Variants in DNAH1 observed in about 807,000 individuals in gnomAD.
DNAH1 encodes the protein dynein axonemal heavy chain 1.
A neutral mutation model predicts 484.3 loss-of-function variants in DNAH1; 327 were observed. The observed-to-expected ratio is 0.68, with a 90% CI of 0.62 to 0.74. The LOEUF (loss-of-function observed/expected upper bound fraction) is 0.74, where lower values mean the gene tolerates loss of function less well. Ranked by LOEUF, DNAH1 falls within the 30% of genes least tolerant of loss-of-function variation. The probability of loss-of-function intolerance (pLI) is 0.00; values close to 1 mark genes in which losing one functional copy is unlikely to be tolerated. For synonymous variants in DNAH1, 2,192 were observed against 2,191.9 expected (o/e 1.00, Z 0.00); for missense variants, 5,052 against 5,546.8 (o/e 0.91, Z 2.83).
intron 44 of DNAH1, 129 bp from the exon 45 acceptor site, chr3:52,375,111 T>G: frequency 9.3e-7 from 1 of 1,080,372 alleles, no homozygotes; most frequent in Non-Finnish European, 1.3e-6. Flanking sequence ...CTGTGTAATA[T>G]TGATGTATTT....
At chr3:52,331,113 G>C (rs762891487) in intron 6 of DNAH1, 35 bp from the exon 7 acceptor site, 2 of 1,557,172 alleles carry the variant, frequency 1.3e-6, no homozygotes, top group Non-Finnish European at 1.7e-6. Context: ...CCCCCATGGC[G>C]GGGGGCACTG....
At chr3:52,367,076 G>A (rs576668612) in intron 36 of DNAH1, among the ~76,000 whole-genome samples, 189 bp downstream of exon 36, 23 of 152,260 alleles carry the variant, frequency 1.5e-4, no homozygotes, top group Admixed American at 3.9e-4. Flanking sequence ...TGGTTCCCTC[G>A]TCTGCAAAGC....
chr3:52,350,065 G>T lies in DNAH1; in HGVS notation c.2603G>T (p.Arg868Leu). The change falls in exon 15 of 78, where the codon CGA becomes CTA. Residue 868 changes from arginine (R) to leucine (L), a missense_variant. By Grantham distance (102) the Arg-to-Leu change is moderately radical. This residue lies in a region of DNAH1 where 1,263 missense variants were observed against 1,218.8 expected (regional missense o/e 1.04). Transcript: ENST00000420323. ...PNSIEELAEL[R>L]EWMKGIPERL... Reference sequence around the variant, plus strand: ...AGCATTGAGGAGCTGGCTGAGCTGCGAGAGTGGATGAAGGGCATCCCGGAG... The same window carrying T: ...AGCATTGAGGAGCTGGCTGAGCTGCTAGAGTGGATGAAGGGCATCCCGGAG... 6.2e-7 allele frequency: 1 copy of T among 1,612,932 alleles called. No individual in the cohort carries two copies. Among genetic ancestry groups the T allele is most frequent in the South Asian group, 1.1e-5 (1 of 90,858 alleles).
rs201323321 is a variant in DNAH1, at chr3:52,389,421, G to A, written c.9496-40G>A. On this transcript the variant is annotated intron_variant, in intron 59 of 77. Coordinates refer to ENST00000420323, the MANE Select transcript of DNAH1 (RefSeq NM_015512.5). The stretch of plus-strand genomic sequence containing the variant: ...AGTGGGAGTTGGGAGGTCTCTGTGA[G>A]TGTCATGGTGGGGTGGTCCTGAGTC... The A allele has an allele frequency of 9.3e-6, 15 of 1,609,764 alleles. No homozygotes were observed. The East Asian group carries it at 2.7e-4, about 29-fold the overall frequency.
At chr3:52,356,492 C>A in intron 21 of DNAH1, 122 bp from the exon 22 acceptor site, 2 of 940,832 alleles carry the variant, frequency 2.1e-6, no homozygotes, top group Non-Finnish European at 3.2e-6. Context: ...TAGACACTGG[C>A]TTTGGTGTCC....
Position 52,396,735 on chromosome 3 carries a change from C to CT in DNAH1, c.11549dup (p.Arg3851AlafsTer15), listed in dbSNP as rs764669188. 6.2e-7 allele frequency: 1 copy of CT among 1,613,770 alleles called. No individual in the cohort carries two copies. The highest frequency in any genetic ancestry group is 1.1e-5 in the South Asian group (1 of 91,072). On this transcript the variant is annotated frameshift_variant, in exon 72 of 78. Coordinates refer to ENST00000420323, the MANE Select transcript of DNAH1 (RefSeq NM_015512.5). LOFTEE classifies it high-confidence loss of function. The stretch of plus-strand genomic sequence containing the variant: ...CCCCTATGAGTTCACGGATGGAGAT[C>CT]TGCGCATCTGCATCAGCCAGCTCAA...
chr3:52,348,988 C>T lies in DNAH1; in HGVS notation c.2207C>T (p.Ala736Val). The change falls in exon 13 of 78, where the codon GCC (alanine) becomes GTC (valine). Residue 736 changes from alanine (A) to valine (V), a missense_variant. This residue lies in a region of DNAH1 where 1,263 missense variants were observed against 1,218.8 expected (regional missense o/e 1.04). Coordinates refer to ENST00000420323, the MANE Select transcript of DNAH1 (RefSeq NM_015512.5). Reference sequence around the variant, plus strand: ...GAGCTACGGGCCACCATTGCCAGTGCCGTGTCCAAGGCCATGATCCCACTG... The same window carrying T: ...GAGCTACGGGCCACCATTGCCAGTGTCGTGTCCAAGGCCATGATCCCACTG... Reference protein sequence around the residue: ...VEELRATIASAVSKAMIPLQA... With the variant: ...VEELRATIASVVSKAMIPLQA... 1 of 1,613,396 alleles carries T rather than the reference C, an allele frequency of 6.2e-7. No homozygotes were observed. Among genetic ancestry groups the T allele is most frequent in the Non-Finnish European group, 8.5e-7 (1 of 1,179,890 alleles).
Position 52,381,918 on chromosome 3 carries a change from G to A in DNAH1, c.7805+82G>A, listed in dbSNP as rs1243425769. 3 of 1,442,492 alleles carry A rather than the reference G, an allele frequency of 2.1e-6. No homozygotes were observed. Among genetic ancestry groups the A allele is most frequent in the Non-Finnish European group, 1.9e-6 (2 of 1,078,930 alleles). 89.4% of individuals were successfully genotyped at this position (1,442,492 alleles called of 1,614,324 possible). ...GACTGACCCATGCTTTTGCACAGTG[G>A]TAGAGGCCTCGGGCAACCCTGAAGT... is the stretch of plus-strand genomic sequence containing the variant. On this transcript the variant is annotated intron_variant, in intron 49 of 77. Transcript: ENST00000420323. The surrounding 1 kb of genome is among the most constrained non-coding windows in gnomAD (Gnocchi z 4.1).
chr3:52,317,044 C>A (rs1409271880), intron 1 of DNAH1, among the ~76,000 whole-genome samples: 1 of 152,172 alleles, frequency 6.6e-6, no homozygotes, highest in African/African-American at 2.4e-5. Context: ...TATTGCAGCA[C>A]TTTTGCTTTA....
intron 16 of DNAH1, among the ~76,000 whole-genome samples, chr3:52,350,805 T>C (rs549649226): frequency 6.6e-6 from 1 of 152,354 alleles, no homozygotes; most frequent in Non-Finnish European, 1.5e-5. Context: ...TGGCCTCAGC[T>C]GCTCCCCAAC....
rs930466219 is a variant in DNAH1, at chr3:52,355,295, G to C, written c.3693+240G>C. On this transcript the variant is annotated intron_variant, in intron 21 of 77. Coordinates refer to ENST00000420323, the MANE Select transcript of DNAH1 (RefSeq NM_015512.5). This position sits in a 1 kb window ranked among gnomAD's most constrained non-coding sequence, Gnocchi z 4.5. ...AGGCAGATAAGGGTGCGTAGGGGCA[G>C]CATTTGGGTCCCAAAATGTGGTTGA... Among the ~76,000 whole-genome samples the C allele has an allele frequency of 1.9e-4, 29 of 152,238 alleles. No individual in the cohort carries two copies. The highest frequency in any genetic ancestry group is 6.8e-4 in the African/African-American group (28 of 41,464).
Position 52,389,529 on chromosome 3 carries a change from C to T in DNAH1, c.9564C>T (p.Thr3188=). 4 of 1,587,058 alleles carry T rather than the reference C, an allele frequency of 2.5e-6. No homozygotes were observed. Among genetic ancestry groups the T allele is most frequent in the Non-Finnish European group, 3.4e-6 (4 of 1,166,958 alleles). ...KQLRSHNVPH[T]SEPTLIGTLG... is the part of the protein sequence containing the mutation. ...TCAGGAGCCACAATGTCCCACACAC[C>T]TCCGAGCCCACGCTAATCGGGACGC... Residue 3188 remains threonine, a synonymous_variant, in exon 60 of 78, where the codon ACC becomes ACT. Coordinates refer to ENST00000420323, the MANE Select transcript of DNAH1 (RefSeq NM_015512.5).
At chr3:52,352,379 A>G (rs1430630099) in intron 17 of DNAH1, among the ~76,000 whole-genome samples, 173 bp from the exon 18 acceptor site, 1 of 152,044 alleles carries the variant, frequency 6.6e-6, no homozygotes, top group Non-Finnish European at 1.5e-5. Context: ...GTGTCAGTGC[A>G]TTGGGTCTCC....
intron 34 of DNAH1, 24 bp downstream of exon 34, chr3:52,365,043 C>G: frequency 6.3e-7 from 1 of 1,590,086 alleles, no homozygotes; most frequent in Non-Finnish European, 8.6e-7. Context: ...CCTGAGTGTT[C>G]GTGGAGGGGC....
Position 52,395,565 on chromosome 3 carries a change from A to G in DNAH1, c.11146A>G (p.Met3716Val). The G allele has an allele frequency of 1.2e-6, 2 of 1,613,774 alleles. No individual in the cohort carries two copies. The highest frequency in any genetic ancestry group is 2.2e-5 in the South Asian group (2 of 91,084). The change falls in exon 70 of 78, where the codon ATG (methionine) becomes GTG (valine). Residue 3716 changes from methionine to valine, a missense_variant. Transcript: ENST00000420323. The surrounding 1 kb of genome is among the most constrained non-coding windows in gnomAD (Gnocchi z 4.4). The part of the protein sequence containing the change: ...GQGQGPRAEA[M>V]MRSSIERGKW... ...CCTGCAGGGCCCTCGGGCAGAAGCCATGATGCGCAGCTCCATAGAGAGGGG... is the reference window on the plus strand; with the variant it reads ...CCTGCAGGGCCCTCGGGCAGAAGCCGTGATGCGCAGCTCCATAGAGAGGGG...
Position 52,396,427 on chromosome 3 carries a change from C to A in DNAH1, c.11319C>A (p.Ser3773=). The change falls in exon 71 of 78, where the codon TCC becomes TCA. Residue 3773 remains serine, a synonymous_variant. Coordinates refer to ENST00000420323, the MANE Select transcript of DNAH1 (RefSeq NM_015512.5). The part of the protein sequence containing the change: ...TSLPSNKFPV[S]ILQNGSKMTI... The stretch of plus-strand genomic sequence containing the variant: ...TGCCCAGCAACAAGTTCCCAGTGTC[C>A]ATCCTGCAGAACGGCTCCAAGATGA... The A allele has an allele frequency of 6.3e-7, 1 of 1,591,978 alleles. No homozygotes were observed. Among genetic ancestry groups the A allele is most frequent in the Non-Finnish European group, 8.5e-7 (1 of 1,169,616 alleles).
chr3:52,315,863 A>G (rs1700931623), upstream of DNAH1, among the ~76,000 whole-genome samples: 1 of 152,226 alleles, frequency 6.6e-6, no homozygotes, highest in South Asian at 2.1e-4. Flanking sequence ...CCAGGAGAAC[A>G]GGGACTGACT....
In DNAH1 at chr3:52,385,427, C is replaced by G; in HGVS notation, c.8605C>G (p.Leu2869Val). 1 of 1,552,028 alleles carries G rather than the reference C, an allele frequency of 6.4e-7. No individual in the cohort carries two copies. Among genetic ancestry groups the G allele is most frequent in the Non-Finnish European group, 8.7e-7 (1 of 1,147,156 alleles). The change falls in exon 54 of 78, where the codon CTC (leucine) becomes GTC (valine). Residue 2869 changes from leucine (L) to valine (V), a missense_variant. Physicochemically the swap from Leu to Val is conservative, Grantham distance 32 (BLOSUM62 1). Transcript: ENST00000420323. ...LLEEAAKDTMLTMEQIKVDTA... is the reference protein window; with the variant it reads ...LLEEAAKDTMVTMEQIKVDTA... ...GGAGGAGGCTGCCAAGGACACCATGCTCACCATGGAGCAGATCAAGGTTGG... is the reference window on the plus strand; with the variant it reads ...GGAGGAGGCTGCCAAGGACACCATGGTCACCATGGAGCAGATCAAGGTTGG...
chr3:52,351,858 C>G lies in DNAH1; in HGVS notation c.2730-104C>G, dbSNP rs574345510. The G allele has an allele frequency of 3.0e-5, 42 of 1,393,322 alleles. 1 individual carries two copies. The South Asian group carries it at 5.4e-4, about 18-fold the overall frequency. 86.3% of individuals were successfully genotyped at this position (1,393,322 alleles called of 1,614,324 possible). A position where few individuals can be genotyped will look rare whatever the true frequency, so the allele number is the denominator to read the frequency against. ...TGCCTGGATTTCCCCTGAACCCCTT[C>G]TCACTGGCTGCCTGGGTGCCTGGTG... On this transcript the variant is annotated intron_variant, in intron 16 of 77. Coordinates refer to ENST00000420323, the MANE Select transcript of DNAH1 (RefSeq NM_015512.5).
Sources: allele counts gnomAD v4.1 joint callset (sites outside exome capture counted in the v4.1 genomes callset), GRCh38; gene constraint gnomAD v4.1.1; regional missense constraint gnomAD v4.1.1; non-coding constraint Gnocchi (gnomAD v3.1); transcripts MANE v1.5; gene names NCBI Gene and HGNC (gene_info 2026-07-23, HGNC 2026-07-21).